The following DIP2C variants were observed in gnomAD, a reference collection of about 807,000 sequenced individuals.
DIP2C encodes the protein DIP2 acetate--CoA ligase C (putative), also known as disco-interacting protein 2 homolog C.
A neutral mutation model predicts 192.4 loss-of-function variants in DIP2C; 33 were observed. The ratio of observed to expected loss-of-function variants is 0.17; its 90% CI spans 0.13 to 0.23. DIP2C has a LOEUF of 0.23. Ranked by LOEUF, DIP2C falls within the 10% of genes least tolerant of loss-of-function variation. The probability of loss-of-function intolerance (pLI) is 1.00; values close to 1 mark genes in which losing one functional copy is unlikely to be tolerated. For missense variants in DIP2C, 1,537 were observed against 2,110.1 expected (o/e 0.73, Z 5.32); for synonymous variants, 979 against 864.1 (o/e 1.13, Z -2.33).
chr10:436,826 T>C (rs547763468), intron 4 of DIP2C, among the ~76,000 whole-genome samples: 1 of 135,692 alleles, frequency 7.4e-6, no homozygotes, highest in African/African-American at 2.9e-5. Flanking sequence ...GGTGATATGC[T>C]CCACCCACAC....
intron 1 of DIP2C, among the ~76,000 whole-genome samples, chr10:595,735 G>A (rs183357629): frequency 2.0e-5 from 3 of 152,244 alleles, no homozygotes; most frequent in African/African-American, 7.2e-5. Flanking sequence ...AGGAAATGTC[G>A]GCCCTCCACA....
chr10:413,521 A>C (rs1452409767), intron 8 of DIP2C, among the ~76,000 whole-genome samples: 10 of 152,270 alleles, frequency 6.6e-5, no homozygotes, highest in African/African-American at 2.4e-4. Flanking sequence ...AACTCAAAAA[A>C]TATTTAACAA....
chr10:283,558 C>A (rs1174749821), intron 34 of DIP2C, 112 bp from the exon 35 acceptor site: 1 of 1,296,678 alleles, frequency 7.7e-7, no homozygotes, highest in African/African-American at 1.5e-5. Flanking sequence ...GTAAACGTTT[C>A]CTTGGACTGA....
chr10:434,761 C>G (rs4619075), intron 4 of DIP2C, among the ~76,000 whole-genome samples: 1 of 152,156 alleles, frequency 6.6e-6, no homozygotes, highest in Admixed American at 6.5e-5. Flanking sequence ...AGGTTAATGG[C>G]ATTTTTTTCC....
chr10:303,469 C>T (rs1288607545), intron 32 of DIP2C, among the ~76,000 whole-genome samples: 1 of 152,118 alleles, frequency 6.6e-6, no homozygotes, highest in Non-Finnish European at 1.5e-5. Context: ...TATTGTACAG[C>T]TGTACAAAAA....
Position 348,878 on chromosome 10 carries a change from C to G in DIP2C, c.3110-116G>C, listed in dbSNP as rs1958651056. On this transcript the variant is annotated intron_variant, in intron 25 of 36. Transcript: ENST00000280886. ...TTCAACAGGGAAACGAGCAGCTGAG[C>G]TTCTCACAGCCTCCGTCATCCTGGC... 2.1e-6 allele frequency: 3 copies of G among 1,443,430 alleles called. No homozygotes were observed. The Admixed American group carries it at 6.9e-5, about 33-fold the overall frequency. The allele number at this position is 1,443,430 out of a possible 1,614,324, so 89.4% of individuals were successfully genotyped here. A position where few individuals can be genotyped will look rare whatever the true frequency, so the allele number is the denominator to read the frequency against.
intron 26 of DIP2C, among the ~76,000 whole-genome samples, 192 bp downstream of exon 26, chr10:348,449 C>T (rs575887353): frequency 3.5e-4 from 54 of 152,166 alleles, no homozygotes; most frequent in Non-Finnish European, 6.6e-4. Context: ...CCTCCACACA[C>T]GTTTACATCT....
chr10:581,628 GC>G (rs1016830568), intron 1 of DIP2C, among the ~76,000 whole-genome samples: 1 of 152,148 alleles, frequency 6.6e-6, no homozygotes, highest in Non-Finnish European at 1.5e-5. Flanking sequence ...ACCCTCTGAG[GC>G]CATGGATGGA....
Position 329,609 on chromosome 10 carries a change from G to A in DIP2C, c.3585-8C>T. Reference sequence around the variant, plus strand: ...TGGTGCCCAGAATACACACTGCAGAGAAAGAAGAGGCTGTCAGGGCGGGAG... The same window carrying A: ...TGGTGCCCAGAATACACACTGCAGAAAAAGAAGAGGCTGTCAGGGCGGGAG... On this transcript the variant is annotated splice_polypyrimidine_tract_variant and splice_region_variant and intron_variant, in intron 29 of 36. Transcript: ENST00000280886. 6.2e-7 allele frequency: 1 copy of A among 1,613,420 alleles called. No homozygotes were observed. Among genetic ancestry groups the A allele is most frequent in the Non-Finnish European group, 8.5e-7 (1 of 1,179,662 alleles).
rs113590126 is a variant in DIP2C, at chr10:419,554, C to T, written c.605-355G>A. Reference sequence around the variant, plus strand: ...CCTGTTTCCTGTCTGCCACAGTCGACGCAGCCAAAGGCCTGGAATTGGAAA... The same window carrying T: ...CCTGTTTCCTGTCTGCCACAGTCGATGCAGCCAAAGGCCTGGAATTGGAAA... On this transcript the variant is annotated intron_variant, in intron 5 of 36. Coordinates refer to ENST00000280886, the MANE Select transcript of DIP2C (RefSeq NM_014974.3). 5.9e-3 allele frequency among the ~76,000 whole-genome samples: 904 copies of T among 152,292 alleles called. 3 individuals carry two copies. Among genetic ancestry groups the T allele is most frequent in the East Asian group, 0.013 (69 of 5,180 alleles).
intron 1 of DIP2C, among the ~76,000 whole-genome samples, chr10:504,544 C>T (rs369248391): frequency 8.5e-5 from 13 of 152,086 alleles, no homozygotes; most frequent in Admixed American, 2.6e-4. Context: ...GAAGCACCCA[C>T]GGCTCCGTGA....
At chr10:578,721 ATAGG>A (rs1196386161) in intron 1 of DIP2C, among the ~76,000 whole-genome samples, 1 of 152,086 alleles carries the variant, frequency 6.6e-6, no homozygotes, top group Non-Finnish European at 1.5e-5. Flanking sequence ...CTATATGTAC[ATAGG>A]TACAGTGTAA....
intron 10 of DIP2C, among the ~76,000 whole-genome samples, chr10:393,778 C>CAAAAAAAAAAAAAAAAAAAAAAAA (rs34390976): frequency 3.0e-5 from 2 of 66,588 alleles, no homozygotes; most frequent in Admixed American, 2.1e-4. Context: ...GACTCCGTCT[C>CAAAAAAAAAAAAAAAAAAAAAAAA]AAAAAAAAAA....
At chr10:524,237 G>T (rs982201223) in intron 1 of DIP2C, among the ~76,000 whole-genome samples, 2 of 152,338 alleles carry the variant, frequency 1.3e-5, no homozygotes, top group Admixed American at 1.3e-4. Context: ...GCTTCTTGAA[G>T]TGGCTGCAGA....
At chr10:361,760 C>T (rs1225903643) in intron 22 of DIP2C, among the ~76,000 whole-genome samples, 4 of 152,094 alleles carry the variant, frequency 2.6e-5, no homozygotes, top group Non-Finnish European at 2.9e-5. Context: ...GTTTACGTCC[C>T]GAGGCGGCAG....
chr10:475,544 G>A (rs1970990764), intron 2 of DIP2C, among the ~76,000 whole-genome samples: 1 of 152,098 alleles, frequency 6.6e-6, no homozygotes, highest in African/African-American at 2.4e-5. Context: ...CTGCTGCTCG[G>A]CTTCTCACAG....
At chr10:401,316 G>T (rs1008359183) in intron 9 of DIP2C, among the ~76,000 whole-genome samples, 9 of 149,622 alleles carry the variant, frequency 6.0e-5, no homozygotes, top group South Asian at 2.2e-4. Context: ...TTTGGTATGT[G>T]TTCATCAGCA....
At chr10:337,130 C>CTGTGTGTG (rs138944577) in intron 29 of DIP2C, among the ~76,000 whole-genome samples, 1 of 83,058 alleles carries the variant, frequency 1.2e-5, no homozygotes, top group Non-Finnish European at 2.1e-5. Flanking sequence ...GCCTAGGCAG[C>CTGTGTGTG]TGTGTGTGTG....
At chr10:378,685 A>G (rs1365564782) in intron 17 of DIP2C, among the ~76,000 whole-genome samples, 2 of 152,216 alleles carry the variant, frequency 1.3e-5, no homozygotes, top group Non-Finnish European at 2.9e-5. Context: ...ACATGAACAG[A>G]CATGCATACA....
Sources: allele counts gnomAD v4.1 joint callset (sites outside exome capture counted in the v4.1 genomes callset), GRCh38; gene constraint gnomAD v4.1.1; transcripts MANE v1.5; gene names NCBI Gene and HGNC (gene_info 2026-07-23, HGNC 2026-07-21).